CD3E: variants seen among roughly 807,000 people sequenced by gnomAD.
CD3E encodes the protein T-cell surface glycoprotein CD3 epsilon chain.
In CD3E, 16 loss-of-function variants were observed where a neutral mutation model predicts 34.7. The ratio of observed to expected loss-of-function variants is 0.46; its 90% CI spans 0.31 to 0.70. The LOEUF (loss-of-function observed/expected upper bound fraction) is 0.70, where lower values mean the gene tolerates loss of function less well. CD3E is among the 30% of genes least tolerant of loss of function. CD3E has a pLI of 0.05. For synonymous variants in CD3E, 70 were observed against 90.8 expected (o/e 0.77, Z 1.30); for missense variants, 223 against 253.9 (o/e 0.88, Z 0.83).
chr11:118,315,854 G>A lies in CD3E; in HGVS notation c.*312G>A, dbSNP rs998374340. 5.9e-6 allele frequency: 3 copies of A among 504,866 alleles called. No individual in the cohort carries two copies. Among genetic ancestry groups the A allele is most frequent in the Non-Finnish European group, 1.1e-5 (3 of 280,366 alleles). The allele number at this position is 504,866 out of a possible 1,614,324, so 31.3% of individuals were successfully genotyped here. On this transcript the variant is annotated 3_prime_UTR_variant, in exon 9 of 9. Transcript: ENST00000361763. ...CCTTCCCTTTGGATGTAACTTCTCC[G>A]TTCAGTTCCCTCCTTTTCTTGCATG...
At chr11:118,313,061 G>C (rs1948145257) in intron 6 of CD3E, 195 bp downstream of exon 6, 3 of 685,548 alleles carry the variant, frequency 4.4e-6, no homozygotes, top group Non-Finnish European at 7.8e-6. Flanking sequence ...ACCAATATGA[G>C]GCTTCTGGGT....
chr11:118,309,554 C>T (rs527301656), intron 4 of CD3E, among the ~76,000 whole-genome samples: 8 of 151,606 alleles, frequency 5.3e-5, no homozygotes, highest in East Asian at 2.0e-4. Context: ...CCAGCCTGGG[C>T]GACAGAGCAA....
At position 118,312,146 on chromosome 11, in the gene CD3E, T is replaced by C. The variant is rs200911795; in HGVS notation, c.86-7T>C. ...TTCTTACTGCTGTTTCCTTTTTTCA[T>C]TTTCAGGTGGTATTACACAGACACG... On this transcript the variant is annotated splice_polypyrimidine_tract_variant and splice_region_variant and intron_variant, in intron 4 of 8. Transcript: ENST00000361763. 1.2e-5 allele frequency: 19 copies of C among 1,611,452 alleles called. No homozygotes were observed. Among genetic ancestry groups the C allele is most frequent in the Middle Eastern group, 1.7e-4 (1 of 6,046 alleles).
chr11:118,305,128 G>A (rs1455040571), intron 2 of CD3E, 127 bp downstream of exon 2: 1 of 926,262 alleles, frequency 1.1e-6, no homozygotes, highest in Non-Finnish European at 1.8e-6. Context: ...TTTGTGCTAT[G>A]TTAGGGTGAG....
Position 118,315,579 on chromosome 11 carries a change from T to C in CD3E, c.*37T>C. On this transcript the variant is annotated 3_prime_UTR_variant, in exon 9 of 9. Coordinates refer to ENST00000361763, the MANE Select transcript of CD3E (RefSeq NM_000733.4). ...ACACTGCCTCCCGCTGGCCCAGGTC[T>C]CCTCTCCAGTCCCCCTGCGACTCCC... The C allele has an allele frequency of 6.6e-7, 1 of 1,524,362 alleles. No individual in the cohort carries two copies. Among genetic ancestry groups the C allele is most frequent in the East Asian group, 2.3e-5 (1 of 43,130 alleles). 94.4% of individuals were successfully genotyped at this position (1,524,362 alleles called of 1,614,324 possible).
At chr11:118,314,569 C>A in intron 8 of CD3E, 75 bp downstream of exon 8, 2 of 1,377,542 alleles carry the variant, frequency 1.5e-6, no homozygotes, top group Non-Finnish European at 2.1e-6. Flanking sequence ...GATGGGATGG[C>A]CCATCTTGTC....
At chr11:118,306,940 C>T (rs368885371) in intron 2 of CD3E, among the ~76,000 whole-genome samples, 74 of 152,312 alleles carry the variant, frequency 4.9e-4, no homozygotes, top group Middle Eastern at 3.4e-3. Flanking sequence ...TCCACAGACA[C>T]CAATGTTCAA....
Position 118,312,696 on chromosome 11 carries a change from A to G in CD3E, c.182A>G (p.His61Arg). The G allele has an allele frequency of 6.2e-7, 1 of 1,614,234 alleles. No homozygotes were observed. Among genetic ancestry groups the G allele is most frequent in the Non-Finnish European group, 8.5e-7 (1 of 1,180,030 alleles). ...CCTGGATCTGAAATACTATGGCAAC[A>G]CAATGATAAAAACATAGGCGGTGAT... ...QYPGSEILWQHNDKNIGGDED... is the reference protein window; with the variant it reads ...QYPGSEILWQRNDKNIGGDED... Residue 61 changes from histidine (H) to arginine (R), a missense_variant, in exon 6 of 9, where the codon CAC (histidine) becomes CGC (arginine). His to Arg is a conservative substitution (Grantham distance 29). Coordinates refer to ENST00000361763, the MANE Select transcript of CD3E (RefSeq NM_000733.4).
At chr11:118,309,797 A>G (rs894968869) in intron 4 of CD3E, among the ~76,000 whole-genome samples, 1 of 152,258 alleles carries the variant, frequency 6.6e-6, no homozygotes, top group Admixed American at 6.5e-5. Context: ...AACAAAAATA[A>G]GTAAACAATC....
intron 4 of CD3E, among the ~76,000 whole-genome samples, chr11:118,311,416 G>A (rs192569300): frequency 2.6e-5 from 4 of 152,190 alleles, no homozygotes; most frequent in African/African-American, 9.7e-5. Context: ...GATTTCAGTT[G>A]TCCACACTAA....
At chr11:118,307,955 G>A (rs1186885668) in intron 3 of CD3E, among the ~76,000 whole-genome samples, 2 of 152,186 alleles carry the variant, frequency 1.3e-5, no homozygotes, top group African/African-American at 4.8e-5. Flanking sequence ...GATCACTTGA[G>A]GCCAGGAGTT....
chr11:118,311,290 A>G (rs1591268500), intron 4 of CD3E, among the ~76,000 whole-genome samples: 1 of 152,336 alleles, frequency 6.6e-6, no homozygotes, highest in South Asian at 2.1e-4. Flanking sequence ...CCAGTGTTCC[A>G]GCCACAAGTT....
At chr11:118,305,927 C>T (rs576577585) in intron 2 of CD3E, among the ~76,000 whole-genome samples, 2 of 152,310 alleles carry the variant, frequency 1.3e-5, no homozygotes, top group Admixed American at 6.5e-5. Context: ...ACGATGTCTC[C>T]ACTTCCTGCT....
chr11:118,314,981 AC>A (rs1948158207), intron 8 of CD3E, among the ~76,000 whole-genome samples: 1 of 151,226 alleles, frequency 6.6e-6, no homozygotes, highest in Non-Finnish European at 1.5e-5. Flanking sequence ...ACACACACAC[AC>A]ACACACACAC....
chr11:118,313,898 A>G (rs1198973860), intron 7 of CD3E, 24 bp downstream of exon 7: 2 of 1,611,734 alleles, frequency 1.2e-6, no homozygotes, highest in Non-Finnish European at 1.7e-6. Flanking sequence ...GTCCAGTCAG[A>G]GGAGATTCCT....
chr11:118,313,752 T>C lies in CD3E; in HGVS notation c.398T>C (p.Ile133Thr), dbSNP rs200987721. The part of the protein sequence containing the change: ...MEMDVMSVAT[I>T]VIVDICITGG... ...ATGGATGTGATGTCGGTGGCCACAATTGTCATAGTGGACATCTGCATCACT... is the reference window on the plus strand; with the variant it reads ...ATGGATGTGATGTCGGTGGCCACAACTGTCATAGTGGACATCTGCATCACT... The change falls in exon 7 of 9, where the codon ATT (isoleucine) becomes ACT (threonine). Residue 133 changes from isoleucine to threonine, a missense_variant. Ile to Thr is a moderately conservative substitution (Grantham distance 89). Transcript: ENST00000361763. 45 of 1,613,910 alleles carry C rather than the reference T, an allele frequency of 2.8e-5. No individual in the cohort carries two copies. In the African/African-American group the frequency reaches 4.1e-4, roughly 15 times the overall value.
chr11:118,309,598 G>A (rs1344048169), intron 4 of CD3E, among the ~76,000 whole-genome samples: 1 of 121,592 alleles, frequency 8.2e-6, no homozygotes, highest in South Asian at 2.7e-4. Context: ...CAAACAAACA[G>A]ACAGTAGGTG....
At chr11:118,310,486 T>C (rs747665035) in intron 4 of CD3E, among the ~76,000 whole-genome samples, 12 of 152,252 alleles carry the variant, frequency 7.9e-5, no homozygotes, top group East Asian at 1.9e-4. Flanking sequence ...TAGTATTCCA[T>C]GGTGTATATG....
In CD3E at chr11:118,308,062, G is replaced by A. The variant is rs503888; in HGVS notation, c.71-365G>A. 3.3e-5 allele frequency among the ~76,000 whole-genome samples: 5 copies of A among 152,174 alleles called. No individual in the cohort carries two copies. The East Asian group carries it at 7.7e-4, about 23-fold the overall frequency. On this transcript the variant is annotated intron_variant, in intron 3 of 8. Transcript: ENST00000361763. ...TGTACGCCTGTAGTCCTAGCTACTC[G>A]AGAAGCTGAGGCAGGAGAATCGCTT...
Sources: gnomAD v4.1 joint callset for allele counts (sites outside exome capture counted in the v4.1 genomes callset) on GRCh38, gnomAD v4.1.1 for gene constraint, MANE v1.5 for transcripts, NCBI Gene and HGNC (gene_info 2026-07-23, HGNC 2026-07-21) for gene names.